UTY: variants seen among roughly 807,000 people sequenced by gnomAD.
The protein encoded by UTY is ubiquitously transcribed tetratricopeptide repeat containing, Y-linked.
A neutral mutation model predicts 32.5 loss-of-function variants in UTY; 12 were observed. That is an observed-to-expected ratio of 0.37 (90% confidence interval 0.24 to 0.60). The LOEUF (loss-of-function observed/expected upper bound fraction) is 0.60, where lower values mean the gene tolerates loss of function less well. Among genes scored for constraint, UTY ranks in the 20% least tolerant of loss-of-function variants. The pLI, the probability that UTY is intolerant of heterozygous loss-of-function variation, is 0.69. For synonymous variants in UTY, 131 were observed against 103.4 expected (o/e 1.27, Z -1.62); for missense variants, 303 against 299.2 (o/e 1.01, Z -0.09).
At chrY:13,290,431 T>C (rs1045648946) in intron 27 of UTY, among the ~76,000 whole-genome samples, 12 of 33,945 alleles carry the variant, frequency 3.5e-4, no homozygotes, top group Non-Finnish European at 7.3e-4. Flanking sequence ...ACATTACATA[T>C]ACAATTACAA....
chrY:13,466,703 G>A (rs769924021), intron 3 of UTY, among the ~76,000 whole-genome samples: 96 of 33,918 alleles, frequency 2.8e-3, no homozygotes, highest in Non-Finnish European at 5.1e-3. Context: ...AAAAGTGGCT[G>A]TCAGTACAAC....
intron 11 of UTY, 108 bp from the exon 12 acceptor site, chrY:13,360,094 G>T (rs2063368510): frequency 4.4e-6 from 1 of 228,409 alleles, no homozygotes; most frequent in Admixed American, 9.8e-5. Flanking sequence ...GGAGTGAAGT[G>T]GCATTTCCAT....
chrY:13,280,623 T>C, intron 27 of UTY, among the ~76,000 whole-genome samples: 2 of 32,849 alleles, frequency 6.1e-5, no homozygotes, highest in Non-Finnish European at 1.5e-4. Context: ...GCAATTATCC[T>C]ACCTCAGCCT....
chrY:13,242,464 T>C (rs2053912820), intron 28 of UTY, among the ~76,000 whole-genome samples: 1 of 33,836 alleles, frequency 3.0e-5, no homozygotes, highest in African/African-American at 1.2e-4. Context: ...TACACACTAT[T>C]ATCCCTGATA....
intron 27 of UTY, among the ~76,000 whole-genome samples, chrY:13,294,601 A>G: frequency 5.8e-5 from 2 of 34,337 alleles, no homozygotes; most frequent in Non-Finnish European, 1.5e-4. Flanking sequence ...CAATCTAAAA[A>G]CATCAAACTC....
At chrY:13,368,367 G>A in intron 9 of UTY, among the ~76,000 whole-genome samples, 1 of 28,520 alleles carries the variant, frequency 3.5e-5, no homozygotes, top group African/African-American at 1.4e-4. Context: ...ACTGCGCCCG[G>A]CCTTGTTTTT....
chrY:13,459,613 T>TA (rs2077194468), intron 3 of UTY, among the ~76,000 whole-genome samples: 1 of 33,486 alleles, frequency 3.0e-5, no homozygotes, highest in Non-Finnish European at 7.4e-5. Context: ...TCTGAAGTCT[T>TA]AAACACAGGA....
intron 4 of UTY, among the ~76,000 whole-genome samples, chrY:13,447,691 G>C (rs919529746): frequency 2.9e-5 from 1 of 34,086 alleles, no homozygotes; most frequent in Non-Finnish European, 7.3e-5. Flanking sequence ...GAAAATGGTG[G>C]AATAGAAAGT....
At chrY:13,295,500 C>G in intron 27 of UTY, among the ~76,000 whole-genome samples, 4 of 33,488 alleles carry the variant, frequency 1.2e-4, no homozygotes, top group African/African-American at 4.7e-4. Flanking sequence ...TGCCCCCACT[C>G]AAATTTCATG....
chrY:13,259,790 T>C (rs2055125685), intron 28 of UTY, among the ~76,000 whole-genome samples: 2 of 34,349 alleles, frequency 5.8e-5, no homozygotes, highest in African/African-American at 1.1e-4. Context: ...CAGTTAGATG[T>C]GCATTACAAT....
chrY:13,239,449 A>C (rs2053878072), intron 28 of UTY, among the ~76,000 whole-genome samples: 1 of 33,517 alleles, frequency 3.0e-5, no homozygotes, highest in African/African-American at 1.2e-4. Flanking sequence ...GTCTAGCAAG[A>C]GATTTACATA....
At chrY:13,283,794 A>G in intron 27 of UTY, among the ~76,000 whole-genome samples, 1 of 33,758 alleles carries the variant, frequency 3.0e-5, no homozygotes, top group African/African-American at 1.2e-4. Context: ...GAGGCCATCT[A>G]TATCAATTCT....
chrY:13,365,457 A>G, intron 10 of UTY, among the ~76,000 whole-genome samples: 1 of 31,049 alleles, frequency 3.2e-5, no homozygotes, highest in Non-Finnish European at 7.8e-5. Context: ...AACAAAATGT[A>G]GTAAGTAAAA....
chrY:13,415,706 C>T (rs868564318), intron 4 of UTY, among the ~76,000 whole-genome samples: 2 of 33,833 alleles, frequency 5.9e-5, no homozygotes, highest in African/African-American at 2.3e-4. Flanking sequence ...GTGTAATAAG[C>T]TGCATCATTT....
At chrY:13,286,565 G>A in intron 27 of UTY, 1 of 348,859 alleles carries the variant, frequency 2.9e-6, no homozygotes, top group Non-Finnish European at 4.1e-6. Flanking sequence ...TTTGACACTT[G>A]GGAGGTGCTT....
Position 13,335,890 on chromosome Y carries a change from A to T in UTY, c.2507T>A (p.Val836Glu). The change falls in exon 18 of 30, where the codon GTG (valine) becomes GAG (glutamate). Residue 836 changes from valine to glutamate, a missense_variant. Val to Glu is a moderately radical substitution (Grantham distance 121). Transcript: ENST00000545955. ...CACTTTGTCACAGGTTCCAGTACCC[A>T]CATTGCCATTGGCTTTTCCAATCAA... is the stretch of plus-strand genomic sequence containing the variant. ...ALLIGKANGN[V>E]GTGTCDKVNN... 1 of 399,280 alleles carries T rather than the reference A, an allele frequency of 2.5e-6. No individual in the cohort carries two copies.
At chrY:13,253,478 G>A (rs961865004) in intron 28 of UTY, among the ~76,000 whole-genome samples, 2 of 33,078 alleles carry the variant, frequency 6.0e-5, no homozygotes, top group Admixed American at 2.7e-4. Flanking sequence ...CTATTCAGGC[G>A]GGAATTCAGC....
chrY:13,351,598 T>C (rs2062399711), intron 17 of UTY, among the ~76,000 whole-genome samples: 1 of 32,932 alleles, frequency 3.0e-5, no homozygotes, highest in Non-Finnish European at 7.5e-5. Context: ...AGTGTTGATA[T>C]GCTGAACAAA....
chrY:13,417,361 C>T (rs752694838), intron 4 of UTY, among the ~76,000 whole-genome samples: 35 of 34,010 alleles, frequency 1.0e-3, no homozygotes, highest in African/African-American at 3.8e-3. Context: ...GTCATTCCAA[C>T]GCTATATGCT....
Sources: allele counts gnomAD v4.1 joint callset (sites outside exome capture counted in the v4.1 genomes callset), GRCh38; gene constraint gnomAD v4.1.1; transcripts MANE v1.5; gene names NCBI Gene and HGNC (gene_info 2026-07-23, HGNC 2026-07-21).